AGTPBP1: variants seen among roughly 807,000 people sequenced by gnomAD.
AGTPBP1 encodes cytosolic carboxypeptidase 1.
In AGTPBP1, 70 loss-of-function variants were observed where a neutral mutation model predicts 143.9. The ratio of observed to expected loss-of-function variants is 0.49; its 90% CI spans 0.40 to 0.59. The LOEUF (loss-of-function observed/expected upper bound fraction) is 0.59. Ranked by LOEUF, AGTPBP1 falls within the 20% of genes least tolerant of loss-of-function variation. AGTPBP1 has a pLI of 0.00. For synonymous variants in AGTPBP1, 463 were observed against 500.2 expected, an observed-to-expected ratio of 0.93 and a Z score of 0.99; for missense variants, 1,229 against 1,464.5, an observed-to-expected ratio of 0.84 and a Z score of 2.62.
chr9:85,582,002 A>G (rs563797431), intron 23 of AGTPBP1, among the ~76,000 whole-genome samples: 147 of 152,338 alleles, frequency 9.6e-4, no homozygotes, highest in Admixed American at 2.1e-3. Flanking sequence ...TTCTAGTCCC[A>G]AGCATTTTAG....
intron 17 of AGTPBP1, among the ~76,000 whole-genome samples, chr9:85,597,551 T>G (rs761228864): frequency 6.6e-6 from 1 of 152,102 alleles, no homozygotes; most frequent in South Asian, 2.1e-4. Context: ...AAGTCAAAAA[T>G]AGCTAACAAT....
At chr9:85,650,397 C>T (rs1417073007) in intron 11 of AGTPBP1, among the ~76,000 whole-genome samples, 1 of 152,110 alleles carries the variant, frequency 6.6e-6, no homozygotes, top group Non-Finnish European at 1.5e-5. Flanking sequence ...GGATGTAAAC[C>T]TTTATGAAAA....
chr9:85,578,486 G>A (rs1230518272), intron 24 of AGTPBP1, among the ~76,000 whole-genome samples: 1 of 151,918 alleles, frequency 6.6e-6, no homozygotes, highest in Non-Finnish European at 1.5e-5. Context: ...ATAAATAATA[G>A]CTACACATAC....
At chr9:85,726,554 A>C (rs1838508625) in intron 1 of AGTPBP1, among the ~76,000 whole-genome samples, 1 of 152,260 alleles carries the variant, frequency 6.6e-6, no homozygotes. Context: ...TCATTGCACT[A>C]GTGCATCAAG....
At chr9:85,644,303 T>C (rs1177674480) in intron 12 of AGTPBP1, among the ~76,000 whole-genome samples, 1 of 151,880 alleles carries the variant, frequency 6.6e-6, no homozygotes, top group African/African-American at 2.4e-5. Context: ...TTTCTTAACA[T>C]CTAATAGAAT....
intron 8 of AGTPBP1, among the ~76,000 whole-genome samples, chr9:85,661,466 TAA>T (rs1833852931): frequency 1.3e-5 from 2 of 152,062 alleles, no homozygotes. Context: ...TTTAAGGCCA[TAA>T]TAAAGGTAAA....
chr9:85,654,901 G>A (rs1379157829), intron 11 of AGTPBP1, among the ~76,000 whole-genome samples: 1 of 151,928 alleles, frequency 6.6e-6, no homozygotes, highest in Non-Finnish European at 1.5e-5. Context: ...ATTCCTATGT[G>A]AAGCTTAATT....
Position 85,589,653 on chromosome 9 carries a change from T to C in AGTPBP1, c.2597A>G (p.His866Arg). The stretch of plus-strand genomic sequence containing the variant: ...CCGAAAATAGATTTGCTGAGGATTG[T>C]GTGCTGATTCCAATTTTTGAAGATG... ...QMHLQKLESAHNPQQIYFRKD... is the reference protein window; with the variant it reads ...QMHLQKLESARNPQQIYFRKD... Residue 866 changes from histidine to arginine, a missense_variant, in exon 20 of 26, where the codon CAC becomes CGC. Physicochemically the swap from His to Arg is conservative, Grantham distance 29 (BLOSUM62 0). Transcript: ENST00000357081. 1 of 1,603,936 alleles carries C rather than the reference T, an allele frequency of 6.2e-7. No individual in the cohort carries two copies. Among genetic ancestry groups the C allele is most frequent in the Non-Finnish European group, 8.5e-7 (1 of 1,177,360 alleles).
chr9:85,762,076 A>G, the AGTPBP1 span, among the ~76,000 whole-genome samples: 2 of 152,180 alleles, frequency 1.3e-5, no homozygotes. Context: ...ATGAGATACC[A>G]TCTCACACCA....
intron 13 of AGTPBP1, among the ~76,000 whole-genome samples, chr9:85,634,364 T>C (rs1186147790): frequency 6.6e-6 from 1 of 151,980 alleles, no homozygotes; most frequent in African/African-American, 2.4e-5. Context: ...AGGGGTGCAT[T>C]CTAGGCAGAG....
intron 2 of AGTPBP1, among the ~76,000 whole-genome samples, chr9:85,708,736 A>G (rs983028813): frequency 2.0e-5 from 3 of 151,296 alleles, no homozygotes; most frequent in African/African-American, 7.3e-5. Flanking sequence ...GGGTTTCACC[A>G]TGTTGGCCAG....
At chr9:85,747,718 A>G in the AGTPBP1 span, among the ~76,000 whole-genome samples, 1 of 152,176 alleles carries the variant, frequency 6.6e-6, no homozygotes, top group Non-Finnish European at 1.5e-5. Context: ...ATGGAAAAGT[A>G]TTCTATACTC....
chr9:85,613,962 A>G (rs993552541), intron 17 of AGTPBP1, among the ~76,000 whole-genome samples: 2 of 152,096 alleles, frequency 1.3e-5, no homozygotes, highest in African/African-American at 4.8e-5. Context: ...TTAACATAAT[A>G]TAACACATCC....
chr9:85,776,577 T>TA, the AGTPBP1 span, among the ~76,000 whole-genome samples: 2 of 152,222 alleles, frequency 1.3e-5, no homozygotes, highest in African/African-American at 4.8e-5. Flanking sequence ...TGCATACTCT[T>TA]TCTTACCTCT....
At chr9:85,558,595 T>G (rs1826497771) in intron 25 of AGTPBP1, among the ~76,000 whole-genome samples, 1 of 150,164 alleles carries the variant, frequency 6.7e-6, no homozygotes, top group Non-Finnish European at 1.5e-5. Context: ...GTGTAGATAT[T>G]GCTATCTTTC....
intron 1 of AGTPBP1, among the ~76,000 whole-genome samples, chr9:85,718,951 T>C (rs1440047871): frequency 6.6e-6 from 1 of 152,188 alleles, no homozygotes; most frequent in Non-Finnish European, 1.5e-5. Flanking sequence ...CTTGTTTTTG[T>C]CAGGTTTGTC....
chr9:85,725,503 T>C (rs1587984692), intron 1 of AGTPBP1, among the ~76,000 whole-genome samples: 1 of 152,006 alleles, frequency 6.6e-6, no homozygotes, highest in Admixed American at 6.6e-5. Flanking sequence ...CTAATGAACA[T>C]CAGCCTCTCC....
rs142649571 is a variant in AGTPBP1 at position 85,629,823 on chromosome 9, A to G, written c.2015+2839T>C. 4.9e-3 allele frequency among the ~76,000 whole-genome samples: 751 copies of G among 152,294 alleles called. 6 individuals carry two copies. The highest frequency in any genetic ancestry group is 6.2e-3 in the Non-Finnish European group (419 of 68,030). On this transcript the variant is annotated intron_variant, in intron 14 of 25. Coordinates refer to ENST00000357081, the MANE Select transcript of AGTPBP1 (RefSeq NM_001330701.2). The stretch of plus-strand genomic sequence containing the variant: ...TAACATAAACAGGTAAAATATCTAA[A>G]TAAGTGTCTTGACCGATGAAAGCTT...
chr9:85,677,831 C>T (rs569048347), intron 5 of AGTPBP1, among the ~76,000 whole-genome samples: 86 of 152,104 alleles, frequency 5.7e-4, no homozygotes, highest in African/African-American at 1.9e-3. Flanking sequence ...TGGTGAAACC[C>T]CGTCTCAACT....
Sources: gnomAD v4.1 joint callset for allele counts (sites outside exome capture counted in the v4.1 genomes callset) on GRCh38, gnomAD v4.1.1 for gene constraint, MANE v1.5 for transcripts, NCBI Gene and HGNC (gene_info 2026-07-23, HGNC 2026-07-21) for gene names.